SOD2: variants seen among roughly 807,000 people sequenced by gnomAD.
The protein encoded by SOD2 is superoxide dismutase [Mn], mitochondrial.
SOD2 carries 11 observed loss-of-function variants against 27.0 expected under a neutral mutation model. The ratio of observed to expected loss-of-function variants is 0.41; its 90% confidence interval spans 0.26 to 0.67. SOD2 has a LOEUF of 0.67. Ranked by LOEUF, SOD2 falls within the 30% of genes least tolerant of loss-of-function variation. The pLI is 0.34. For missense variants in SOD2, 250 were observed against 274.5 expected, an observed-to-expected ratio of 0.91 and a Z score of 0.63; for synonymous variants, 105 against 103.0, an observed-to-expected ratio of 1.02 and a Z score of -0.12.
chr6:159,692,299 C>A (rs5746100), intron 2 of SOD2: 3 of 796,144 alleles, frequency 3.8e-6, no homozygotes, highest in Non-Finnish European at 5.2e-6. Flanking sequence ...CATTATACAA[C>A]AAGAACAATT....
chr6:159,694,592 A>T (rs902029896), upstream of SOD2, among the ~76,000 whole-genome samples: 2 of 151,768 alleles, frequency 1.3e-5, no homozygotes, highest in Non-Finnish European at 2.9e-5. Context: ...TTATTTTTTT[A>T]ATTTATTATT....
chr6:159,671,361 AC>A lies in SOD2; in HGVS notation c.*11131del, dbSNP rs1165187993. On this transcript the variant is annotated 3_prime_UTR_variant, in exon 5 of 5. Transcript: ENST00000538183. ...CACCCCCAAGTAGGGGCAGACTGAC[AC>A]CCCACATGGCCGGGTACCCCTCTGA... The A allele has an allele frequency of 1.3e-5, 2 of 152,470 alleles. No homozygotes were observed. The highest frequency in any genetic ancestry group is 3.9e-4 in the East Asian group (2 of 5,178). The allele number at this position is 152,470 out of a possible 1,614,324, so 9.4% of individuals were successfully genotyped here.
At chr6:159,734,288 A>G (rs975737953) in intron 1 of SOD2, among the ~76,000 whole-genome samples, 1 of 151,744 alleles carries the variant, frequency 6.6e-6, no homozygotes, top group African/African-American at 2.4e-5. Flanking sequence ...TGCTGGGATT[A>G]CAAGTGTGAG....
upstream of SOD2, among the ~76,000 whole-genome samples, chr6:159,730,292 T>C (rs1244076569): frequency 6.6e-6 from 1 of 152,254 alleles, no homozygotes; most frequent in East Asian, 1.9e-4. Flanking sequence ...TTATTTTCCT[T>C]CAGGATTCAA....
At chr6:159,727,855 T>G (rs549249988), upstream of SOD2, among the ~76,000 whole-genome samples, 21 of 152,320 alleles carry the variant, frequency 1.4e-4, no homozygotes, top group Non-Finnish European at 2.6e-4. Flanking sequence ...CCGCTCTACC[T>G]TCCCGCCTGC....
At chr6:159,750,677 A>C (rs1055948045) in intron 1 of SOD2, among the ~76,000 whole-genome samples, 3 of 152,184 alleles carry the variant, frequency 2.0e-5, no homozygotes, top group African/African-American at 7.2e-5. Flanking sequence ...GTATCTAGAC[A>C]ACTACATTTT....
intron 1 of SOD2, chr6:159,753,401 G>A (rs1779891839): frequency 6.2e-7 from 1 of 1,610,190 alleles, no homozygotes; most frequent in Non-Finnish European, 8.5e-7. Flanking sequence ...TGTAATAATT[G>A]TAAGCAAAGA....
chr6:159,684,592 G>C (rs946926512), intron 4 of SOD2, among the ~76,000 whole-genome samples: 6 of 152,150 alleles, frequency 3.9e-5, no homozygotes, highest in African/African-American at 1.4e-4. Flanking sequence ...ACTCCAGCCT[G>C]GGCAACAGTG....
chr6:159,755,749 G>GTTTTTTTTTTTTTTTTTTT (rs1402868444), intron 1 of SOD2: 11 of 300,266 alleles, frequency 3.7e-5, no homozygotes, highest in African/African-American at 3.5e-4. Flanking sequence ...TTTTTTCTTT[G>GTTTTTTTTTTTTTTTTTTT]TTTTTTTTTT....
chr6:159,727,374 T>TGGCAGGAGGCGGGAGGCAGGA, upstream of SOD2: 2 of 1,032,510 alleles, frequency 1.9e-6, no homozygotes, highest in Non-Finnish European at 2.5e-6. Flanking sequence ...GCGGGGAGGC[T>TGGCAGGAGGCGGGAGGCAGGA]GGCGGGAGGC....
At chr6:159,684,250 AT>A (rs146019439) in intron 4 of SOD2, among the ~76,000 whole-genome samples, 106 of 150,576 alleles carry the variant, frequency 7.0e-4, no homozygotes, top group African/African-American at 2.0e-3. Context: ...TCTATAGCTA[AT>A]TTTTTTTTTA....
chr6:159,687,804 C>T (rs1780261097), intron 3 of SOD2, among the ~76,000 whole-genome samples: 1 of 152,000 alleles, frequency 6.6e-6, no homozygotes, highest in South Asian at 2.1e-4. Context: ...GTCAGGAGTT[C>T]AAGACCAGCC....
At chr6:159,762,164 CGCAGAGTCCGAGGCGCCTGCTGCTTCG>C (rs751901754) in exon 1 of SOD2, 3 of 1,605,616 alleles carry the variant, frequency 1.9e-6, no homozygotes, top group Admixed American at 1.7e-5. Flanking sequence ...GCGGGAGCCG[CGCAGAGTCCGAGGCGCCTGCTGCTTCG>C]GCAGGAGCGC....
Position 159,680,946 on chromosome 6 carries a change from GA to G in SOD2, c.*1546del, listed in dbSNP as rs11289847. ...GCAAGACTCTGTCTCCAAAAAAAAA[GA>G]AAAAAAAAAAACGCCTATATAAAGA... On this transcript the variant is annotated 3_prime_UTR_variant, in exon 5 of 5. Transcript: ENST00000538183. The G allele has an allele frequency of 0.081, 10,277 of 127,322 alleles. 408 individuals carry two copies. The highest frequency in any genetic ancestry group is 0.13 in the Middle Eastern group (34 of 252). The allele number at this position is 127,322 out of a possible 1,614,324, so 7.9% of individuals were successfully genotyped here. A position where few individuals can be genotyped will look rare whatever the true frequency, so the allele number is the denominator to read the frequency against.
chr6:159,738,510 G>T (rs1779055080), intron 1 of SOD2, among the ~76,000 whole-genome samples: 2 of 152,086 alleles, frequency 1.3e-5, no homozygotes, highest in Non-Finnish European at 2.9e-5. Flanking sequence ...ATAGTTTTCA[G>T]TTTTTTAGCT....
In SOD2 at chr6:159,680,671, C is replaced by T. The variant is rs1296953689; in HGVS notation, c.*1822G>A. ...CCTATATAGGCCAGGTGCAGTGGCT[C>T]ACACCTGTAATCCCAGCACTTTGGG... is the stretch of plus-strand genomic sequence containing the variant. On this transcript the variant is annotated 3_prime_UTR_variant, in exon 5 of 5. Coordinates refer to ENST00000538183, the MANE Select transcript of SOD2 (RefSeq NM_000636.4). 6.6e-6 allele frequency: 1 copy of T among 152,078 alleles called. No individual in the cohort carries two copies. The highest frequency in any genetic ancestry group is 1.9e-4 in the East Asian group (1 of 5,188). The allele number at this position is 152,078 out of a possible 1,614,324, so 9.4% of individuals were successfully genotyped here.
At chr6:159,709,152 C>G (rs1777682375) in intron 1 of SOD2, among the ~76,000 whole-genome samples, 2 of 152,150 alleles carry the variant, frequency 1.3e-5, no homozygotes, top group Admixed American at 1.3e-4. Flanking sequence ...AGACCCAAAA[C>G]CATAAAAACC....
chr6:159,757,419 CTT>C (rs4038770), intron 1 of SOD2, among the ~76,000 whole-genome samples: 6 of 143,456 alleles, frequency 4.2e-5, no homozygotes, highest in Admixed American at 7.0e-5. Context: ...TTCTTTTTCT[CTT>C]TTTTTTTTTT....
chr6:159,732,669 C>T (rs1187889557), intron 1 of SOD2, among the ~76,000 whole-genome samples: 1 of 151,930 alleles, frequency 6.6e-6, no homozygotes, highest in African/African-American at 2.4e-5. Flanking sequence ...ACTAAAAATA[C>T]AAAAATTAGC....
Sources: gnomAD v4.1 joint callset for allele counts (sites outside exome capture counted in the v4.1 genomes callset) on GRCh38, gnomAD v4.1.1 for gene constraint, MANE v1.5 for transcripts, NCBI Gene and HGNC (gene_info 2026-07-23, HGNC 2026-07-21) for gene names.